Variants in ARHGEF4 observed in about 807,000 individuals in gnomAD.
ARHGEF4 encodes the protein Rho guanine nucleotide exchange factor 4, also known as APC-stimulated guanine nucleotide exchange factor 1.
Under a neutral mutation model 162.0 loss-of-function variants are expected in ARHGEF4, and 119 were observed. The observed-to-expected ratio is 0.73, with a 90% CI of 0.63 to 0.86. The LOEUF (loss-of-function observed/expected upper bound fraction) is 0.86. ARHGEF4 is among the 40% of genes least tolerant of loss of function. The probability of loss-of-function intolerance (pLI) is 0.00; values close to 1 mark genes in which losing one functional copy is unlikely to be tolerated. For missense variants in ARHGEF4, 2,488 were observed against 2,456.0 expected (o/e 1.01, Z -0.28); for synonymous variants, 1,014 against 979.9 (o/e 1.03, Z -0.65).
At chr2:130,983,990 A>G (rs964268569) in intron 4 of ARHGEF4, among the ~76,000 whole-genome samples, 15 of 152,228 alleles carry the variant, frequency 9.9e-5, no homozygotes, top group African/African-American at 4.8e-5. Flanking sequence ...TAGACACAAC[A>G]TATAACAATA....
chr2:131,023,091 A>AAAAAAAAAAAAAAAC (rs1689246717), intron 4 of ARHGEF4, among the ~76,000 whole-genome samples: 1 of 150,458 alleles, frequency 6.6e-6, no homozygotes. Flanking sequence ...AAAAAAAAAA[A>AAAAAAAAAAAAAAAC]AAAAGAACTT....
chr2:130,897,441 G>T (rs1025480533), intron 1 of ARHGEF4, among the ~76,000 whole-genome samples: 1 of 151,966 alleles, frequency 6.6e-6, no homozygotes, highest in East Asian at 1.9e-4. Flanking sequence ...GTCTGCCAGC[G>T]GTGAGCACTG....
chr2:130,952,907 G>A (rs1684041839), intron 4 of ARHGEF4, among the ~76,000 whole-genome samples: 1 of 152,078 alleles, frequency 6.6e-6, no homozygotes, highest in Non-Finnish European at 1.5e-5. Flanking sequence ...AATAAAAGAG[G>A]ATACAAACAA....
At position 130,989,770 on chromosome 2, in the gene ARHGEF4, G is replaced by A. The variant is rs562667917; in HGVS notation, c.3986-38175G>A. On this transcript the variant is annotated intron_variant, in intron 4 of 13. Coordinates refer to ENST00000409359, the MANE Select transcript of ARHGEF4 (RefSeq NM_001367493.1). ...GGCTTGTCTCTGTCAACTTTATGAC[G>A]GCGGGGCCTGTGTTTGACCCTCCTT... Among the ~76,000 whole-genome samples the A allele has an allele frequency of 9.9e-5, 15 of 152,164 alleles. 1 individual carries two copies. Among genetic ancestry groups the A allele is most frequent in the African/African-American group, 1.9e-4 (8 of 41,432 alleles).
rs545699349 is a variant in ARHGEF4 at position 130,891,694 on chromosome 2, T to A, written c.40-22292T>A. Among the ~76,000 whole-genome samples the A allele has an allele frequency of 1.1e-4, 16 of 152,318 alleles. 1 individual carries two copies. In the South Asian group the frequency reaches 3.3e-3, roughly 32 times the overall value. On this transcript the variant is annotated intron_variant, in intron 1 of 13. Transcript: ENST00000409359. ...ATGATGTTGCTTCTGTGCATGCACG[T>A]CCCTGGCGTCTCTTCTTACCAGGAC...
At chr2:130,988,884 A>G (rs1187593856) in intron 4 of ARHGEF4, among the ~76,000 whole-genome samples, 3,421 of 104,980 alleles carry the variant, frequency 0.033, 49 homozygotes, top group Middle Eastern at 0.065. Flanking sequence ...ATATATATAT[A>G]TATATATATA....
rs759010559 is a variant in ARHGEF4, at chr2:131,040,075, A to AGCGGAGGACGGCGGG, written c.4373_4387dup (p.Asp1458_Glu1462dup). The AGCGGAGGACGGCGGG allele has an allele frequency of 3.7e-4, 597 of 1,601,892 alleles. 3 individuals carry two copies. The highest frequency in any genetic ancestry group is 5.0e-4 in the Middle Eastern group (3 of 6,052). Reference sequence around the variant, plus strand: ...ACGCCCCTCTGGCCGGGAACAGCGGAGCGGAGGACGGCGGGGCGGAGGCGC... The same window carrying AGCGGAGGACGGCGGG: ...ACGCCCCTCTGGCCGGGAACAGCGGAGCGGAGGACGGCGGGGCGGAGGACGGCGGGGCGGAGGCGC... On this transcript the variant is annotated inframe_insertion, in exon 7 of 14. Coordinates refer to ENST00000409359, the MANE Select transcript of ARHGEF4 (RefSeq NM_001367493.1).
chr2:131,041,252 C>A lies in ARHGEF4; in HGVS notation c.4685C>A (p.Ser1562Ter). Residue 1562 changes from serine (S) to a stop codon, truncating the protein, a stop_gained, in exon 9 of 14, where the codon TCG (serine) becomes TAG (stop). Transcript: ENST00000409359. LOFTEE classifies it high-confidence loss of function. ...LEHQADFQIY[S>*]EYCNNHPNAC... ...TAGCAAGCCGACTTCCAGATCTACT[C>A]GGAGTACTGCAATAACCACCCCAAC... The A allele has an allele frequency of 2.5e-6, 4 of 1,613,774 alleles. No homozygotes were observed. Among genetic ancestry groups the A allele is most frequent in the Non-Finnish European group, 3.4e-6 (4 of 1,179,972 alleles).
intron 4 of ARHGEF4, among the ~76,000 whole-genome samples, chr2:131,009,171 G>C (rs987722467): frequency 1.3e-5 from 2 of 152,216 alleles, no homozygotes; most frequent in Non-Finnish European, 2.9e-5. Flanking sequence ...CACCACCAGG[G>C]ACACGCACCT....
intron 4 of ARHGEF4, among the ~76,000 whole-genome samples, chr2:131,018,541 T>C (rs775732330): frequency 3.9e-5 from 6 of 152,212 alleles, no homozygotes; most frequent in Non-Finnish European, 7.3e-5. Flanking sequence ...TTTCTTCCAT[T>C]CTATGGGTTG....
At chr2:130,980,609 A>G (rs1405535052) in intron 4 of ARHGEF4, among the ~76,000 whole-genome samples, 2 of 152,176 alleles carry the variant, frequency 1.3e-5, no homozygotes, top group Non-Finnish European at 2.9e-5. Context: ...ACATCAACAC[A>G]CATTTCTAAG....
rs368323863 is a variant in ARHGEF4, at chr2:130,905,408, A to G, written c.40-8578A>G. Among the ~76,000 whole-genome samples, 277 of 152,250 alleles carry G rather than the reference A, an allele frequency of 1.8e-3. 8 individuals carry two copies. The South Asian group carries it at 0.056, about 31-fold the overall frequency. ...TCAAGTGAAATTACGTAGTCAGTGT[A>G]TGACCTTTTAATGACTCTTTATCAT... On this transcript the variant is annotated intron_variant, in intron 1 of 13. Transcript: ENST00000409359.
intron 4 of ARHGEF4, among the ~76,000 whole-genome samples, chr2:130,977,175 T>C (rs1277362699): frequency 6.6e-6 from 1 of 151,670 alleles, no homozygotes; most frequent in Non-Finnish European, 1.5e-5. Flanking sequence ...TTCTGTGTAT[T>C]GTGTGTTGTG....
At position 130,932,946 on chromosome 2, in the gene ARHGEF4, A is replaced by G. The variant is rs1682720950; in HGVS notation, c.3858+1689A>G. Among the ~76,000 whole-genome samples the G allele has an allele frequency of 2.6e-5, 4 of 152,254 alleles. No individual in the cohort carries two copies. In the South Asian group the frequency reaches 8.3e-4, roughly 32 times the overall value. On this transcript the variant is annotated intron_variant, in intron 3 of 13. Transcript: ENST00000409359. The stretch of plus-strand genomic sequence containing the variant: ...AAAACCAACTTACCCGCCAGGCGCA[A>G]TGGCTCACATCTGTAATCCCAGCAC...
At position 130,860,642 on chromosome 2, in the gene ARHGEF4, G is replaced by A. The variant is rs1224753122; in HGVS notation, c.39+23650G>A. 2.5e-5 allele frequency among the ~76,000 whole-genome samples: 3 copies of A among 119,214 alleles called. 1 individual carries two copies. The highest frequency in any genetic ancestry group is 4.8e-5 in the Non-Finnish European group (3 of 62,432). 78.2% of individuals were successfully genotyped at this position (119,214 alleles called of 152,430 possible). A position where few individuals can be genotyped will look rare whatever the true frequency, so the allele number is the denominator to read the frequency against. On this transcript the variant is annotated intron_variant, in intron 1 of 13. Coordinates refer to ENST00000409359, the MANE Select transcript of ARHGEF4 (RefSeq NM_001367493.1). ...GAAGAATGGTGTGAACCCGGGAGGC[G>A]AAGCTTGCGGTGAGCCGAGATCGCG...
chr2:131,035,589 C>A, intron 5 of ARHGEF4: 3 of 856,766 alleles, frequency 3.5e-6, no homozygotes, highest in Non-Finnish European at 2.8e-6. Context: ...AAACGGAGTG[C>A]ATGTGACCGC....
chr2:130,879,677 A>G (rs1037316774), intron 1 of ARHGEF4, among the ~76,000 whole-genome samples: 1 of 152,186 alleles, frequency 6.6e-6, no homozygotes, highest in African/African-American at 2.4e-5. Context: ...GAGTGTGATC[A>G]TGTAGTATTT....
At chr2:130,877,311 T>C (rs912040739) in intron 1 of ARHGEF4, among the ~76,000 whole-genome samples, 5 of 152,334 alleles carry the variant, frequency 3.3e-5, no homozygotes, top group Non-Finnish European at 5.9e-5. Flanking sequence ...AAATATGGTA[T>C]ATATTTAGTG....
At chr2:130,880,685 C>T (rs1679130998) in intron 1 of ARHGEF4, among the ~76,000 whole-genome samples, 1 of 152,154 alleles carries the variant, frequency 6.6e-6, no homozygotes, top group Admixed American at 6.5e-5. Context: ...TAGGTGTGTG[C>T]CACTGCATCC....
Sources: allele counts gnomAD v4.1 joint callset (sites outside exome capture counted in the v4.1 genomes callset), GRCh38; gene constraint gnomAD v4.1.1; transcripts MANE v1.5; gene names NCBI Gene and HGNC (gene_info 2026-07-23, HGNC 2026-07-21).